The following ZNF785 variants were observed in gnomAD, a reference collection of about 807,000 sequenced individuals.
ZNF785 encodes zinc finger protein 785.
Under a neutral mutation model 11.3 loss-of-function variants are expected in ZNF785, and 15 were observed. That is an observed-to-expected ratio of 1.32 (90% CI 0.89 to 2.04). The LOEUF is 2.04. Ranked by LOEUF, ZNF785 falls within the 30% of genes most tolerant of loss-of-function variation. The pLI is 0.00. For synonymous variants in ZNF785, 221 were observed against 231.0 expected (o/e 0.96, Z 0.39); for missense variants, 572 against 560.9 (o/e 1.02, Z -0.20).
rs779521902 is a variant in ZNF785, at chr16:30,585,657, G to A, written c.-46C>T. The A allele has an allele frequency of 2.8e-6, 4 of 1,447,646 alleles. No individual in the cohort carries two copies. The highest frequency in any genetic ancestry group is 2.9e-5 in the African/African-American group (2 of 69,144). 89.7% of individuals were successfully genotyped at this position (1,447,646 alleles called of 1,614,324 possible). A position where few individuals can be genotyped will look rare whatever the true frequency, so the allele number is the denominator to read the frequency against. ...CAAAGGGAGGCTTCCGGGGAAGGTG[G>A]AGATGCTGGCGCTTTCCTGTCTTTC... On this transcript the variant is annotated 5_prime_UTR_variant, in exon 1 of 3. Transcript: ENST00000395216. The surrounding 1 kb of genome is among the most constrained non-coding windows in gnomAD (Gnocchi z 4.0).
At chr16:30,578,539 T>C (rs947221119), downstream of ZNF785, 2 of 152,232 alleles carry the variant, frequency 1.3e-5, no homozygotes, top group Non-Finnish European at 1.5e-5. Context: ...TCTTTCTTTT[T>C]TGAAACAGAG....
In ZNF785 at chr16:30,585,195, C is replaced by G; in HGVS notation, c.261G>C (p.Ala87=). 6.2e-7 allele frequency: 1 copy of G among 1,614,158 alleles called. No homozygotes were observed. The highest frequency in any genetic ancestry group is 8.5e-7 in the Non-Finnish European group (1 of 1,180,002). The change falls in exon 2 of 3, where the codon GCG becomes GCC. Residue 87 remains alanine (A), a synonymous_variant. Transcript: ENST00000395216. This position sits in a 1 kb window ranked among gnomAD's most constrained non-coding sequence, Gnocchi z 4.0. Reference sequence around the variant, plus strand: ...CGGGATCCTGGGCCTCCGGGCTCCACGCCTCCACTTCTCCTTCCACCCACG... The same window carrying G: ...CGGGATCCTGGGCCTCCGGGCTCCAGGCCTCCACTTCTCCTTCCACCCACG... ...FISWVEGEVE[A]WSPEAQDPDG...
Position 30,582,984 on chromosome 16 carries a change from A to C in ZNF785, c.794T>G (p.Phe265Cys). ...PYACSDCKSR[F>C]TYPYLLAIHQ... is the part of the protein sequence containing the mutation. ...GATGGCCAGCAGGTAGGGGTAAGTG[A>C]AGCGACTCTTGCAGTCTGAGCACGC... Residue 265 changes from phenylalanine (F) to cysteine (C), a missense_variant, in exon 3 of 3, where the codon TTC becomes TGC. Transcript: ENST00000395216. The C allele has an allele frequency of 6.2e-7, 1 of 1,614,002 alleles. No homozygotes were observed. Among genetic ancestry groups the C allele is most frequent in the Non-Finnish European group, 8.5e-7 (1 of 1,179,972 alleles).
rs376130017 is a variant in ZNF785 at position 30,582,926 on chromosome 16, G to A, written c.852C>T (p.Tyr284=). 36 of 1,613,934 alleles carry A rather than the reference G, an allele frequency of 2.2e-5. No homozygotes were observed. The Admixed American group carries it at 5.8e-4, about 26-fold the overall frequency. Reference sequence around the variant, plus strand: ...AACGGAGGCTGCAATCGGGGCAGCTGTAGGGCTTCTCGCCCGTGTGCTTGC... The same window carrying A: ...AACGGAGGCTGCAATCGGGGCAGCTATAGGGCTTCTCGCCCGTGTGCTTGC... ...HQRKHTGEKP[Y]SCPDCSLRFA... The change falls in exon 3 of 3, where the codon TAC becomes TAT. Residue 284 remains tyrosine (Y), a synonymous_variant. Transcript: ENST00000395216.
intron 2 of ZNF785, 140 bp downstream of exon 2, chr16:30,584,982 G>A: frequency 8.6e-7 from 1 of 1,163,044 alleles, no homozygotes; most frequent in East Asian, 2.6e-5. Flanking sequence ...GGGCCATTTT[G>A]CAGTGAGATG....
intron 2 of ZNF785, 116 bp from the exon 3 acceptor site, chr16:30,583,559 G>A: frequency 7.3e-7 from 1 of 1,374,370 alleles, no homozygotes; most frequent in South Asian, 1.5e-5. Flanking sequence ...AAGGCAGCAG[G>A]AATGGTTCAG....
chr16:30,583,582 A>G, intron 2 of ZNF785, 139 bp from the exon 3 acceptor site: 1 of 1,169,952 alleles, frequency 8.5e-7, no homozygotes, highest in Non-Finnish European at 1.2e-6. Flanking sequence ...TATGGCGCCC[A>G]GGGAGCACGG....
rs561283887 is a variant in ZNF785 at position 30,585,488 on chromosome 16, C to G, written c.124G>C (p.Glu42Gln). 3.1e-6 allele frequency: 5 copies of G among 1,603,050 alleles called. No individual in the cohort carries two copies. Among genetic ancestry groups the G allele is most frequent in the Non-Finnish European group, 4.3e-6 (5 of 1,175,462 alleles). Residue 42 changes from glutamate to glutamine, a missense_variant, in exon 1 of 3, where the codon GAG becomes CAG. By Grantham distance (29) the Glu-to-Gln change is conservative. Transcript: ENST00000395216. This position sits in a 1 kb window ranked among gnomAD's most constrained non-coding sequence, Gnocchi z 4.0. ...ADVAVYFSPE[E>Q]WECLRPAQRA... ...TGCGCTGGCCGCAGGCATTCCCACT[C>G]CTCGGGAGAGAAGTACACGGCCACG...
chr16:30,582,784 G>T lies in ZNF785; in HGVS notation c.994C>A (p.Arg332Ser). The T allele has an allele frequency of 1.9e-6, 3 of 1,607,068 alleles. No homozygotes were observed. The highest frequency in any genetic ancestry group is 2.6e-6 in the Non-Finnish European group (3 of 1,175,474). The part of the protein sequence containing the change: ...TYSSLLLSHR[R>S]IHSDSRPFPC... ...AAGGGCCGGCTGTCGGAGTGAATGC[G>T]CCGGTGACTGAGGAGGAGGGAAGAA... Residue 332 changes from arginine to serine, a missense_variant, in exon 3 of 3, where the codon CGC becomes AGC. Physicochemically the swap from Arg to Ser is moderately radical, Grantham distance 110 (BLOSUM62 -1). Transcript: ENST00000395216.
At position 30,582,767 on chromosome 16, in the gene ZNF785, G is replaced by C. The variant is rs201574418; in HGVS notation, c.1011C>G (p.Ser337Arg). The change falls in exon 3 of 3, where the codon AGC becomes AGG. Residue 337 changes from serine to arginine, a missense_variant. Coordinates refer to ENST00000395216, the MANE Select transcript of ZNF785 (RefSeq NM_152458.7). ...LLSHRRIHSD[S>R]RPFPCVECGK... ...CACACTCCACGCAGGGGAAGGGCCG[G>C]CTGTCGGAGTGAATGCGCCGGTGAC... is the stretch of plus-strand genomic sequence containing the variant. 349 of 1,606,052 alleles carry C rather than the reference G, an allele frequency of 2.2e-4. No individual in the cohort carries two copies. The highest frequency in any genetic ancestry group is 4.2e-4 in the Admixed American group (25 of 59,588).
downstream of ZNF785, among the ~76,000 whole-genome samples, chr16:30,580,474 C>T (rs2051793929): frequency 6.6e-6 from 1 of 151,912 alleles, no homozygotes; most frequent in African/African-American, 2.4e-5. Flanking sequence ...CCTGCCTCAG[C>T]CTCCCAAGTA....
At chr16:30,584,549 C>T (rs2051863712) in intron 2 of ZNF785, among the ~76,000 whole-genome samples, 2 of 152,118 alleles carry the variant, frequency 1.3e-5, no homozygotes, top group Admixed American at 1.3e-4. Flanking sequence ...ACTCAGGAGG[C>T]TGAGGCAGGA....
rs367902312 is a variant in ZNF785 at position 30,585,115 on chromosome 16, G to T, written c.334+7C>A. On this transcript the variant is annotated splice_region_variant and intron_variant, in intron 2 of 2. Coordinates refer to ENST00000395216, the MANE Select transcript of ZNF785 (RefSeq NM_152458.7). The surrounding 1 kb of genome is among the most constrained non-coding windows in gnomAD (Gnocchi z 4.0). The stretch of plus-strand genomic sequence containing the variant: ...CTTCTCCACGGCTACTTATCCAAAT[G>T]AAGTACCTGCTTCCTGTCCTTGGCC... 415 of 1,603,282 alleles carry T rather than the reference G, an allele frequency of 2.6e-4. No homozygotes were observed. Among genetic ancestry groups the T allele is most frequent in the Non-Finnish European group, 3.4e-4 (396 of 1,172,434 alleles).
chr16:30,582,524 C>T lies in ZNF785; in HGVS notation c.*36G>A, dbSNP rs768281012. On this transcript the variant is annotated 3_prime_UTR_variant, in exon 3 of 3. Coordinates refer to ENST00000395216, the MANE Select transcript of ZNF785 (RefSeq NM_152458.7). The stretch of plus-strand genomic sequence containing the variant: ...AAATACACAAACCTTGCCTCTTCCT[C>T]TCCAGGGAAACGCTGACCAGTTTGT... 1 of 1,608,182 alleles carries T rather than the reference C, an allele frequency of 6.2e-7. No individual in the cohort carries two copies. Among genetic ancestry groups the T allele is most frequent in the Non-Finnish European group, 8.5e-7 (1 of 1,176,182 alleles).
At position 30,583,096 on chromosome 16, in the gene ZNF785, A is replaced by G; in HGVS notation, c.682T>C (p.Tyr228His). The change falls in exon 3 of 3, where the codon TAC (tyrosine) becomes CAC (histidine). Residue 228 changes from tyrosine (Y) to histidine (H), a missense_variant. Coordinates refer to ENST00000395216, the MANE Select transcript of ZNF785 (RefSeq NM_152458.7). ...CGGCGCCCGCAGTCGGGGCAGGGGT[A>G]GGGCTTCTCGCCGGTGTGGATGAAC... ...HQFIHTGEKP[Y>H]PCPDCGRRFR... The G allele has an allele frequency of 1.2e-6, 2 of 1,614,118 alleles. No individual in the cohort carries two copies. The highest frequency in any genetic ancestry group is 1.7e-6 in the Non-Finnish European group (2 of 1,179,996).
rs759098738 is a variant in ZNF785 at position 30,583,143 on chromosome 16, C to A, written c.635G>T (p.Arg212Leu). 8.7e-6 allele frequency: 14 copies of A among 1,613,882 alleles called. No individual in the cohort carries two copies. Among genetic ancestry groups the A allele is most frequent in the African/African-American group, 1.3e-5 (1 of 74,960 alleles). ...CGQCQARFSQ[R>L]RYLLQHQFIH... ...GAACTGATGCTGGAGCAGGTACCTGCGCTGGGAGAAACGCGCCTGACACTG... is the reference window on the plus strand; with the variant it reads ...GAACTGATGCTGGAGCAGGTACCTGAGCTGGGAGAAACGCGCCTGACACTG... The change falls in exon 3 of 3, where the codon CGC (arginine) becomes CTC (leucine). Residue 212 changes from arginine to leucine, a missense_variant. Arg to Leu is a moderately radical substitution (Grantham distance 102, BLOSUM62 -2). Transcript: ENST00000395216.
At chr16:30,583,589 A>C in intron 2 of ZNF785, 146 bp from the exon 3 acceptor site, 3 of 1,074,378 alleles carry the variant, frequency 2.8e-6, no homozygotes, top group Non-Finnish European at 3.9e-6. Context: ...CCCAGGGAGC[A>C]CGGCTTAATG....
chr16:30,584,977 A>G, intron 2 of ZNF785, 145 bp downstream of exon 2: 1 of 1,140,462 alleles, frequency 8.8e-7, no homozygotes, highest in Non-Finnish European at 1.2e-6. Context: ...CCATCGGGCC[A>G]TTTTGCAGTG....
At chr16:30,584,875 CTTGACCTCCT>C (rs2051867425) in intron 2 of ZNF785, among the ~76,000 whole-genome samples, 1 of 152,104 alleles carries the variant, frequency 6.6e-6, no homozygotes, top group Non-Finnish European at 1.5e-5. Flanking sequence ...TCCCCTTTCC[CTTGACCTCCT>C]AGGAAGCTCA....
Sources: allele counts gnomAD v4.1 joint callset (sites outside exome capture counted in the v4.1 genomes callset), GRCh38; gene constraint gnomAD v4.1.1; non-coding constraint Gnocchi (gnomAD v3.1); transcripts MANE v1.5; gene names NCBI Gene and HGNC (gene_info 2026-07-23, HGNC 2026-07-21).